Variants in KHDRBS2 observed in about 807,000 individuals in gnomAD.
The protein encoded by KHDRBS2 is KH RNA binding domain containing, signal transduction associated 2, also known as KH domain-containing, RNA-binding, signal transduction-associated protein 2.
A neutral mutation model predicts 44.3 loss-of-function variants in KHDRBS2; 26 were observed. That is an observed-to-expected ratio of 0.59 (90% CI 0.43 to 0.81). KHDRBS2 has a LOEUF of 0.81. Among genes scored for constraint, KHDRBS2 ranks in the 40% least tolerant of loss-of-function variants. The pLI, the probability that KHDRBS2 is intolerant of heterozygous loss-of-function variation, is 0.00. For missense variants in KHDRBS2, 476 were observed against 433.1 expected (o/e 1.10, Z -0.88); for synonymous variants, 194 against 151.1 (o/e 1.28, Z -2.08).
intron 7 of KHDRBS2, among the ~76,000 whole-genome samples, chr6:61,698,027 G>T (rs1403879751): frequency 2.0e-5 from 3 of 152,096 alleles, no homozygotes; most frequent in African/African-American, 7.2e-5. Context: ...TCTTTTCACT[G>T]ACTCTTCTCC....
intron 4 of KHDRBS2, among the ~76,000 whole-genome samples, chr6:61,973,493 T>C (rs1197047722): frequency 1.3e-5 from 2 of 152,184 alleles, no homozygotes; most frequent in African/African-American, 4.8e-5. Flanking sequence ...GTTTCCCAGA[T>C]GTGTTACCAG....
At chr6:61,933,430 G>A (rs568360048) in intron 4 of KHDRBS2, among the ~76,000 whole-genome samples, 26 of 152,252 alleles carry the variant, frequency 1.7e-4, no homozygotes, top group Admixed American at 1.2e-3. Flanking sequence ...ACATAGGAGT[G>A]CAGATATCTC....
chr6:62,141,188 T>C (rs1169973930), intron 2 of KHDRBS2, among the ~76,000 whole-genome samples: 6 of 152,148 alleles, frequency 3.9e-5, no homozygotes, highest in Non-Finnish European at 7.4e-5. Flanking sequence ...AAAGTGAAGA[T>C]GTTGAGAGTA....
At chr6:62,065,531 G>C (rs920254638) in intron 2 of KHDRBS2, among the ~76,000 whole-genome samples, 1 of 148,804 alleles carries the variant, frequency 6.7e-6, no homozygotes, top group Non-Finnish European at 1.5e-5. Flanking sequence ...ACTATCGCAA[G>C]AACAAAAAAC....
rs138806993 is a variant in KHDRBS2 at position 62,278,752 on chromosome 6, G to A, written c.91+7106C>T. Among the ~76,000 whole-genome samples the A allele has an allele frequency of 2.3e-3, 348 of 152,182 alleles. 1 individual carries two copies. Among genetic ancestry groups the A allele is most frequent in the African/African-American group, 7.6e-3 (317 of 41,516 alleles). On this transcript the variant is annotated intron_variant, in intron 1 of 8. Coordinates refer to ENST00000281156, the MANE Select transcript of KHDRBS2 (RefSeq NM_152688.4). ...GGTTTTCTTAGATTTTCTTTGTGCC[G>A]CGTATGTGCCAGACTGAGTGCTAGA...
chr6:62,143,260 A>C (rs1813234186), intron 2 of KHDRBS2, among the ~76,000 whole-genome samples: 1 of 151,944 alleles, frequency 6.6e-6, no homozygotes, highest in South Asian at 2.1e-4. Flanking sequence ...TTCCTAACTC[A>C]TCTATACACC....
intron 6 of KHDRBS2, among the ~76,000 whole-genome samples, chr6:61,839,401 G>C (rs1793241280): frequency 6.6e-6 from 1 of 151,944 alleles, no homozygotes; most frequent in South Asian, 2.1e-4. Context: ...ATTTGTAACA[G>C]GGTGAAAAAA....
At chr6:61,769,353 C>G (rs62416564) in intron 6 of KHDRBS2, among the ~76,000 whole-genome samples, 1 of 151,932 alleles carries the variant, frequency 6.6e-6, no homozygotes. Context: ...CGAGCTGAAG[C>G]AGGACGAGGC....
intron 2 of KHDRBS2, among the ~76,000 whole-genome samples, chr6:62,141,914 T>C (rs1396551226): frequency 2.6e-5 from 4 of 152,168 alleles, no homozygotes; most frequent in Admixed American, 1.3e-4. Flanking sequence ...CTTAAAAATA[T>C]GCCTTTCCTA....
chr6:61,845,309 GTTT>G (rs35774578), intron 6 of KHDRBS2, among the ~76,000 whole-genome samples: 5 of 125,816 alleles, frequency 4.0e-5, no homozygotes, highest in Non-Finnish European at 6.7e-5. Context: ...ACAGTTCCTT[GTTT>G]TTTTTTTTTT....
Position 61,924,114 on chromosome 6 carries a change from T to C in KHDRBS2, c.484-22743A>G, listed in dbSNP as rs1224385066. On this transcript the variant is annotated intron_variant, in intron 4 of 8. Coordinates refer to ENST00000281156, the MANE Select transcript of KHDRBS2 (RefSeq NM_152688.4). Reference sequence around the variant, plus strand: ...CATTAAAGACTTCTACACTGAAAATTAGAAAATCTTGCTGAGAAAACCTTG... The same window carrying C: ...CATTAAAGACTTCTACACTGAAAATCAGAAAATCTTGCTGAGAAAACCTTG... Among the ~76,000 whole-genome samples, 3 of 152,176 alleles carry C rather than the reference T, an allele frequency of 2.0e-5. No individual in the cohort carries two copies. In the East Asian group the frequency reaches 5.8e-4, roughly 29 times the overall value.
At chr6:61,648,784 T>C in the KHDRBS2 span, among the ~76,000 whole-genome samples, 3 of 152,170 alleles carry the variant, frequency 2.0e-5, no homozygotes, top group Admixed American at 1.3e-4. Flanking sequence ...GTAATATTTG[T>C]ATATTTTTCC....
intron 3 of KHDRBS2, among the ~76,000 whole-genome samples, chr6:62,016,110 CT>C (rs1781156746): frequency 6.6e-6 from 1 of 152,088 alleles, no homozygotes; most frequent in Non-Finnish European, 1.5e-5. Context: ...AGGCTCTTTC[CT>C]TTTTCTTTCA....
the KHDRBS2 span, among the ~76,000 whole-genome samples, chr6:61,556,872 ATTTTTT>A: frequency 4.6e-4 from 40 of 87,494 alleles, no homozygotes; most frequent in African/African-American, 7.5e-4. Context: ...TGAAATTGAG[ATTTTTT>A]TTTTTTTTTT....
chr6:61,630,844 T>C, the KHDRBS2 span, among the ~76,000 whole-genome samples: 274 of 152,284 alleles, frequency 1.8e-3, 3 homozygotes, highest in African/African-American at 6.3e-3. Flanking sequence ...ATATTTTTAG[T>C]GCTGAGTTGA....
At chr6:61,832,997 C>T (rs1792085199) in intron 6 of KHDRBS2, among the ~76,000 whole-genome samples, 1 of 152,098 alleles carries the variant, frequency 6.6e-6, no homozygotes, top group Non-Finnish European at 1.5e-5. Flanking sequence ...AATACAAATA[C>T]CTTCTGGACT....
At chr6:61,773,964 C>T (rs1163879035) in intron 6 of KHDRBS2, among the ~76,000 whole-genome samples, 2 of 152,016 alleles carry the variant, frequency 1.3e-5, no homozygotes, top group Non-Finnish European at 2.9e-5. Context: ...AGATAAGCAG[C>T]GTTATTTCTG....
chr6:61,669,564 G>T, the KHDRBS2 span, among the ~76,000 whole-genome samples: 2 of 150,796 alleles, frequency 1.3e-5, no homozygotes, highest in South Asian at 4.2e-4. Context: ...TATGTTTATA[G>T]ACTTAATTTT....
At chr6:61,819,359 C>T (rs1400632625) in intron 6 of KHDRBS2, among the ~76,000 whole-genome samples, 2 of 152,052 alleles carry the variant, frequency 1.3e-5, no homozygotes, top group South Asian at 2.1e-4. Flanking sequence ...TATAATGTAA[C>T]TTAAGGAAAT....
Sources: gnomAD v4.1 joint callset for allele counts (sites outside exome capture counted in the v4.1 genomes callset) on GRCh38, gnomAD v4.1.1 for gene constraint, MANE v1.5 for transcripts, NCBI Gene and HGNC (gene_info 2026-07-23, HGNC 2026-07-21) for gene names.